PCDH9: variants seen among roughly 807,000 people sequenced by gnomAD.
PCDH9 encodes protocadherin-9.
In PCDH9, 24 loss-of-function variants were observed where a neutral mutation model predicts 70.6. The ratio of observed to expected loss-of-function variants is 0.34; its 90% CI spans 0.25 to 0.48. The LOEUF (loss-of-function observed/expected upper bound fraction) is 0.48. PCDH9 is among the 20% of genes least tolerant of loss of function. The probability of loss-of-function intolerance (pLI) is 0.99; values close to 1 mark genes in which losing one functional copy is unlikely to be tolerated. For missense variants in PCDH9, 1,281 were observed against 1,503.6 expected (o/e 0.85, Z 2.45); for synonymous variants, 562 against 558.5 (o/e 1.01, Z -0.09).
intron 2 of PCDH9, among the ~76,000 whole-genome samples, chr13:67,056,446 G>C (rs532054953): frequency 4.6e-5 from 7 of 152,250 alleles, no homozygotes; most frequent in African/African-American, 1.7e-4. Flanking sequence ...AGAGGACAGA[G>C]GTTCAATATT....
At chr13:66,466,205 C>T (rs763528190) in intron 4 of PCDH9, among the ~76,000 whole-genome samples, 9 of 151,794 alleles carry the variant, frequency 5.9e-5, no homozygotes, top group Non-Finnish European at 1.0e-4. Flanking sequence ...CTCCTCCCCT[C>T]CTTCTCTGTC....
intron 2 of PCDH9, among the ~76,000 whole-genome samples, chr13:67,015,456 T>C (rs959993478): frequency 2.6e-5 from 4 of 152,152 alleles, no homozygotes; most frequent in African/African-American, 9.7e-5. Context: ...GGTATTTCAA[T>C]GGTGTCACCA....
chr13:66,427,713 G>A (rs902567599), intron 4 of PCDH9, among the ~76,000 whole-genome samples: 12 of 151,592 alleles, frequency 7.9e-5, no homozygotes, highest in Non-Finnish European at 1.6e-4. Context: ...TTGAAAGTAG[G>A]CTAAAGTATT....
At chr13:66,565,872 A>G (rs1005970200) in intron 4 of PCDH9, among the ~76,000 whole-genome samples, 3 of 152,216 alleles carry the variant, frequency 2.0e-5, no homozygotes. Context: ...ATGGAAAAAA[A>G]CAAAGCTGCT....
chr13:66,726,844 A>G (rs1022312866), intron 3 of PCDH9, among the ~76,000 whole-genome samples: 1 of 152,204 alleles, frequency 6.6e-6, no homozygotes, highest in African/African-American at 2.4e-5. Flanking sequence ...GCTTTGAAAG[A>G]CTGCTGATTA....
intron 2 of PCDH9, among the ~76,000 whole-genome samples, chr13:67,143,471 C>T (rs572244587): frequency 6.6e-6 from 1 of 152,128 alleles, no homozygotes; most frequent in Non-Finnish European, 1.5e-5. Flanking sequence ...TCACATGGAT[C>T]AAGTACCAGG....
chr13:66,446,812 C>T (rs576186676), intron 4 of PCDH9, among the ~76,000 whole-genome samples: 1 of 151,984 alleles, frequency 6.6e-6, no homozygotes, highest in South Asian at 2.1e-4. Flanking sequence ...AATTTCTTAA[C>T]TTTTATTCTA....
chr13:67,105,041 T>C (rs1437038249), intron 2 of PCDH9, among the ~76,000 whole-genome samples: 1 of 152,114 alleles, frequency 6.6e-6, no homozygotes, highest in Non-Finnish European at 1.5e-5. Flanking sequence ...CTGCTACATC[T>C]AGTCTGCAGT....
intron 2 of PCDH9, among the ~76,000 whole-genome samples, chr13:66,978,836 G>T (rs1167103943): frequency 5.3e-5 from 8 of 150,236 alleles, no homozygotes. Flanking sequence ...ATATGAATAT[G>T]AATGTATGTA....
chr13:66,877,025 T>C (rs1321255311), intron 3 of PCDH9: 1 of 140,974 alleles, frequency 7.1e-6, no homozygotes, highest in Non-Finnish European at 1.5e-5. Context: ...ATGTTTGATG[T>C]TCAATTTAAT....
chr13:66,762,445 T>A (rs982672340), intron 3 of PCDH9, among the ~76,000 whole-genome samples: 4 of 152,020 alleles, frequency 2.6e-5, no homozygotes, highest in African/African-American at 9.7e-5. Context: ...CAAGGCAAAA[T>A]CCTGTGCTCA....
At chr13:67,061,959 T>C (rs923175112) in intron 2 of PCDH9, among the ~76,000 whole-genome samples, 2 of 152,154 alleles carry the variant, frequency 1.3e-5, no homozygotes, top group Non-Finnish European at 2.9e-5. Context: ...GTAATCTCAG[T>C]ACAGGGCTAG....
intron 4 of PCDH9, among the ~76,000 whole-genome samples, chr13:66,525,651 T>A (rs1960184888): frequency 6.6e-6 from 1 of 152,164 alleles, no homozygotes; most frequent in East Asian, 1.9e-4. Context: ...AAAACATTTG[T>A]CTACATTGAA....
At chr13:67,089,024 A>G (rs1286017121) in intron 2 of PCDH9, among the ~76,000 whole-genome samples, 1 of 152,024 alleles carries the variant, frequency 6.6e-6, no homozygotes, top group African/African-American at 2.4e-5. Flanking sequence ...TCCCTTGTAT[A>G]TGCATTGCCT....
At chr13:66,529,415 A>C (rs989103516) in intron 4 of PCDH9, among the ~76,000 whole-genome samples, 2 of 152,076 alleles carry the variant, frequency 1.3e-5, no homozygotes, top group African/African-American at 4.8e-5. Context: ...TTGGAGGGAA[A>C]ACTGAAACTG....
intron 2 of PCDH9, among the ~76,000 whole-genome samples, chr13:66,916,370 G>C (rs562312054): frequency 6.6e-6 from 1 of 151,464 alleles, no homozygotes; most frequent in Non-Finnish European, 1.5e-5. Context: ...TTAATAGGGG[G>C]AAGAAAACTT....
At chr13:67,167,807 C>T (rs890125231) in intron 2 of PCDH9, among the ~76,000 whole-genome samples, 3 of 152,078 alleles carry the variant, frequency 2.0e-5, no homozygotes, top group Non-Finnish European at 4.4e-5. Flanking sequence ...AAACTTAAAA[C>T]AGATCAGGTG....
chr13:66,717,781 T>C (rs113832881), intron 3 of PCDH9, among the ~76,000 whole-genome samples: 7 of 152,212 alleles, frequency 4.6e-5, no homozygotes, highest in African/African-American at 1.7e-4. Flanking sequence ...CAACTCTTCC[T>C]AGATCTGATT....
chr13:67,018,860 C>G, intron 2 of PCDH9, among the ~76,000 whole-genome samples: 1 of 152,062 alleles, frequency 6.6e-6, no homozygotes, highest in East Asian at 1.9e-4. Flanking sequence ...GTCACATTCA[C>G]AACTCAAAAC....
Sources: allele counts gnomAD v4.1 joint callset (sites outside exome capture counted in the v4.1 genomes callset), GRCh38; gene constraint gnomAD v4.1.1; transcripts MANE v1.5; gene names NCBI Gene and HGNC (gene_info 2026-07-23, HGNC 2026-07-21).